The following KCNJ6 variants were observed in gnomAD, a reference collection of about 807,000 sequenced individuals.
KCNJ6 encodes potassium inwardly rectifying channel subfamily J member 6, also known as G protein-activated inward rectifier potassium channel 2.
Under a neutral mutation model 34.2 loss-of-function variants are expected in KCNJ6, and 9 were observed. The observed-to-expected ratio is 0.26, with a 90% CI of 0.16 to 0.46. KCNJ6 has a LOEUF of 0.46. Among genes scored for constraint, KCNJ6 ranks in the 20% least tolerant of loss-of-function variants. KCNJ6 has a pLI of 1.00. For missense variants in KCNJ6, 236 were observed against 531.3 expected, an observed-to-expected ratio of 0.44 and a Z score of 5.46; for synonymous variants, 196 against 207.1, an observed-to-expected ratio of 0.95 and a Z score of 0.46.
chr21:37,715,376 G>T (rs1366115292), intron 2 of KCNJ6, among the ~76,000 whole-genome samples: 1 of 152,222 alleles, frequency 6.6e-6, no homozygotes, highest in Non-Finnish European at 1.5e-5. Flanking sequence ...GGAGCTTATT[G>T]CTGCAAAATT....
In KCNJ6 at chr21:37,809,530, A is replaced by T. The variant is rs575983072; in HGVS notation, c.25+31128T>A. Among the ~76,000 whole-genome samples, 27 of 152,320 alleles carry T rather than the reference A, an allele frequency of 1.8e-4. 1 individual carries two copies. In the South Asian group the frequency reaches 5.4e-3, roughly 30 times the overall value. On this transcript the variant is annotated intron_variant, in intron 2 of 3. Transcript: ENST00000609713. Reference sequence around the variant, plus strand: ...CCCTAAAACTTAAAGTATAATAATAATAAAATAAAAAAGATATTATTATTC... The same window carrying T: ...CCCTAAAACTTAAAGTATAATAATATTAAAATAAAAAAGATATTATTATTC...
At chr21:37,665,624 ACCTTT>A (rs2054510423) in intron 3 of KCNJ6, among the ~76,000 whole-genome samples, 1 of 152,154 alleles carries the variant, frequency 6.6e-6, no homozygotes, top group Non-Finnish European at 1.5e-5. Context: ...AGGTGTGCCA[ACCTTT>A]CCTTCCTCTC....
Position 37,685,706 on chromosome 21 carries a change from A to AAAAAAAAG in KCNJ6, c.946+28504_946+28505insCTTTTTTT, listed in dbSNP as rs78443969. On this transcript the variant is annotated intron_variant, in intron 3 of 3. Transcript: ENST00000609713. ...CAAAAAAAAAAAAAAAAAAAAAAAA[A>AAAAAAAAG]AATCTATCCTATGGATATCAGAGGT... Among the ~76,000 whole-genome samples the AAAAAAAAG allele has an allele frequency of 1.3e-3, 67 of 51,040 alleles. 18 individuals are homozygous for AAAAAAAAG. The highest frequency in any genetic ancestry group is 2.3e-3 in the African/African-American group (42 of 18,060). 33.5% of individuals were successfully genotyped at this position (51,040 alleles called of 152,430 possible).
intron 2 of KCNJ6, among the ~76,000 whole-genome samples, chr21:37,720,970 G>A (rs769648500): frequency 3.3e-5 from 5 of 151,654 alleles, no homozygotes; most frequent in Non-Finnish European, 7.4e-5. Flanking sequence ...GCCTCCCAAA[G>A]TGCTGGGATT....
At chr21:37,666,244 T>G (rs539646750) in intron 3 of KCNJ6, among the ~76,000 whole-genome samples, 18 of 152,264 alleles carry the variant, frequency 1.2e-4, no homozygotes, top group Non-Finnish European at 2.2e-4. Flanking sequence ...CAAGAACCCC[T>G]AGTTCTGGCT....
At position 37,610,022 on chromosome 21, in the gene KCNJ6, G is replaced by T. The variant is rs1332282143; in HGVS notation, c.*15137C>A. 1 of 152,294 alleles carries T rather than the reference G, an allele frequency of 6.6e-6. No homozygotes were observed. The highest frequency in any genetic ancestry group is 1.5e-5 in the Non-Finnish European group (1 of 68,080). 9.4% of individuals were successfully genotyped at this position (152,294 alleles called of 1,614,324 possible). On this transcript the variant is annotated 3_prime_UTR_variant, in exon 4 of 4. Transcript: ENST00000609713. ...GGGTTTAGTGGTGGTAATGACAGGG[G>T]AGCAGGACGTGGTCGGTGGGTGCTG...
intron 2 of KCNJ6, among the ~76,000 whole-genome samples, chr21:37,825,212 C>T (rs544283116): frequency 7.4e-4 from 113 of 152,282 alleles, no homozygotes; most frequent in Non-Finnish European, 1.2e-3. Context: ...TCTGGATCGT[C>T]GAGGCCAATT....
At position 37,620,178 on chromosome 21, in the gene KCNJ6, T is replaced by C. The variant is rs1165504082; in HGVS notation, c.*4981A>G. 1.3e-5 allele frequency: 2 copies of C among 152,362 alleles called. No homozygotes were observed. The highest frequency in any genetic ancestry group is 2.9e-5 in the Non-Finnish European group (2 of 68,038). The allele number at this position is 152,362 out of a possible 1,614,324, so 9.4% of individuals were successfully genotyped here. A position where few individuals can be genotyped will look rare whatever the true frequency, so the allele number is the denominator to read the frequency against. Reference sequence around the variant, plus strand: ...TAGTACTTAGTACTCTTACATACTATTATTAATAGTACTATTACTAGTACT... The same window carrying C: ...TAGTACTTAGTACTCTTACATACTACTATTAATAGTACTATTACTAGTACT... On this transcript the variant is annotated 3_prime_UTR_variant, in exon 4 of 4. Coordinates refer to ENST00000609713, the MANE Select transcript of KCNJ6 (RefSeq NM_002240.5).
chr21:37,796,372 TGACTTC>T lies in KCNJ6; in HGVS notation c.25+44280_25+44285del, dbSNP rs945932260. 6.0e-4 allele frequency among the ~76,000 whole-genome samples: 91 copies of T among 152,212 alleles called. 1 individual carries two copies. Among genetic ancestry groups the T allele is most frequent in the Non-Finnish European group, 2.4e-4 (16 of 68,036 alleles). On this transcript the variant is annotated intron_variant, in intron 2 of 3. Coordinates refer to ENST00000609713, the MANE Select transcript of KCNJ6 (RefSeq NM_002240.5). ...CAACCCCGTGAGCCCAAGGAAAGAC[TGACTTC>T]ATTTTGAAAGCGGCAAAGTGGTTGG... is the stretch of plus-strand genomic sequence containing the variant.
chr21:37,891,888 G>A (rs1248023106), intron 1 of KCNJ6, among the ~76,000 whole-genome samples: 1 of 152,014 alleles, frequency 6.6e-6, no homozygotes, highest in Admixed American at 6.5e-5. Context: ...GGCTGGGTGT[G>A]GGTTGATGGT....
At chr21:37,685,004 C>A (rs1306771867) in intron 3 of KCNJ6, among the ~76,000 whole-genome samples, 2 of 152,064 alleles carry the variant, frequency 1.3e-5, no homozygotes, top group African/African-American at 4.8e-5. Flanking sequence ...AGACAAATGA[C>A]AGACTATGAA....
At chr21:37,721,450 G>C (rs2054825904) in intron 2 of KCNJ6, among the ~76,000 whole-genome samples, 2 of 152,292 alleles carry the variant, frequency 1.3e-5, no homozygotes, top group South Asian at 4.2e-4. Flanking sequence ...GAAAGCAGGG[G>C]CTCAAACAGA....
chr21:37,763,056 C>T (rs760580335), intron 2 of KCNJ6, among the ~76,000 whole-genome samples: 8 of 152,124 alleles, frequency 5.3e-5, no homozygotes, highest in Non-Finnish European at 1.2e-4. Context: ...CCCGGGCTCC[C>T]GAGAAATCCA....
At position 37,608,507 on chromosome 21, in the gene KCNJ6, G is replaced by A. The variant is rs1953109003; in HGVS notation, c.*16652C>T. On this transcript the variant is annotated 3_prime_UTR_variant, in exon 4 of 4. Transcript: ENST00000609713. ...CCTAAGCAGTCTTTGAGAAATGTCA[G>A]GGCAAATGTCCCTTTCTTCCTCATG... The A allele has an allele frequency of 6.6e-6, 1 of 152,212 alleles. No homozygotes were observed. Among genetic ancestry groups the A allele is most frequent in the African/African-American group, 2.4e-5 (1 of 41,448 alleles). 9.4% of individuals were successfully genotyped at this position (152,212 alleles called of 1,614,324 possible).
intron 1 of KCNJ6, among the ~76,000 whole-genome samples, chr21:37,899,550 T>C (rs1238208792): frequency 1.3e-5 from 2 of 152,186 alleles, no homozygotes; most frequent in Non-Finnish European, 2.9e-5. Flanking sequence ...TTAAAATCTC[T>C]TGTAAAGAAC....
chr21:37,818,536 C>G (rs890952274), intron 2 of KCNJ6, among the ~76,000 whole-genome samples: 7 of 152,102 alleles, frequency 4.6e-5, no homozygotes, highest in Non-Finnish European at 1.0e-4. Flanking sequence ...TACCACATCC[C>G]CTCCTCCCAT....
chr21:37,617,516 G>C lies in KCNJ6; in HGVS notation c.*7643C>G, dbSNP rs966464636. 2 of 152,144 alleles carry C rather than the reference G, an allele frequency of 1.3e-5. No individual in the cohort carries two copies. The highest frequency in any genetic ancestry group is 2.9e-5 in the Non-Finnish European group (2 of 68,072). The allele number at this position is 152,144 out of a possible 1,614,324, so 9.4% of individuals were successfully genotyped here. On this transcript the variant is annotated 3_prime_UTR_variant, in exon 4 of 4. Coordinates refer to ENST00000609713, the MANE Select transcript of KCNJ6 (RefSeq NM_002240.5). ...ATTACAGGTGTGAGCCACAGCACCC[G>C]GCCTTGTGAGATTTCTTAGCCAGGG...
chr21:37,742,135 T>G (rs1344919903), intron 2 of KCNJ6, among the ~76,000 whole-genome samples: 1 of 152,166 alleles, frequency 6.6e-6, no homozygotes, highest in African/African-American at 2.4e-5. Context: ...ATATTTGACT[T>G]TTACCAATTG....
intron 1 of KCNJ6, among the ~76,000 whole-genome samples, chr21:37,881,488 AG>A (rs1322194454): frequency 6.6e-5 from 10 of 151,898 alleles, no homozygotes; most frequent in African/African-American, 1.9e-4. Flanking sequence ...AGAGAGAGAG[AG>A]AGAGAAAGTG....
Sources: gnomAD v4.1 joint callset for allele counts (sites outside exome capture counted in the v4.1 genomes callset) on GRCh38, gnomAD v4.1.1 for gene constraint, MANE v1.5 for transcripts, NCBI Gene and HGNC (gene_info 2026-07-23, HGNC 2026-07-21) for gene names.